Variants in USP34 observed in about 807,000 individuals in gnomAD.
USP34 encodes the protein ubiquitin specific peptidase 34, also known as ubiquitin carboxyl-terminal hydrolase 34.
Under a neutral mutation model 460.3 loss-of-function variants are expected in USP34, and 70 were observed. That is an observed-to-expected ratio of 0.15 (90% CI 0.13 to 0.19). The LOEUF (loss-of-function observed/expected upper bound fraction) is 0.19. Among genes scored for constraint, USP34 ranks in the 10% least tolerant of loss-of-function variants. The probability of loss-of-function intolerance (pLI) is 1.00; values close to 1 mark genes in which losing one functional copy is unlikely to be tolerated. For synonymous variants in USP34, 1,647 were observed against 1,405.3 expected, an observed-to-expected ratio of 1.17 and a Z score of -3.85; for missense variants, 3,985 against 4,236.2, an observed-to-expected ratio of 0.94 and a Z score of 1.65.
rs748998184 is a variant in USP34, at chr2:61,349,285, T to G, written c.1508A>C (p.Glu503Ala). ...AGCTGTTCTTCTAAGCTCTTCTTCC[T>G]CTGAAGGAAAAGGAAAAAACAGGAG... The part of the protein sequence containing the change: ...NTNIPIGNKK[E>A]EEELRRTAPS... The change falls in exon 13 of 80, where the codon GAG becomes GCG. Residue 503 changes from glutamate (E) to alanine (A), a missense_variant and splice_region_variant. Coordinates refer to ENST00000398571, the MANE Select transcript of USP34 (RefSeq NM_014709.4). 2 of 1,613,156 alleles carry G rather than the reference T, an allele frequency of 1.2e-6. No homozygotes were observed. The highest frequency in any genetic ancestry group is 1.7e-6 in the Non-Finnish European group (2 of 1,179,664).
chr2:61,358,155 G>C (rs992599030), intron 10 of USP34, among the ~76,000 whole-genome samples: 2 of 151,692 alleles, frequency 1.3e-5, no homozygotes, highest in African/African-American at 4.8e-5. Context: ...TTGCACCACG[G>C]CACTCCAGCC....
At chr2:61,305,734 T>C (rs1690382588) in intron 27 of USP34, among the ~76,000 whole-genome samples, 1 of 151,990 alleles carries the variant, frequency 6.6e-6, no homozygotes, top group South Asian at 2.1e-4. Context: ...AGACTCATAA[T>C]CAAAATGCTG....
At chr2:61,444,260 A>G (rs1191355597) in intron 1 of USP34, among the ~76,000 whole-genome samples, 2 of 152,168 alleles carry the variant, frequency 1.3e-5, no homozygotes, top group Admixed American at 1.3e-4. Context: ...AATAAAATCT[A>G]TTAAAAAGAA....
rs1171021398 is a variant in USP34 at position 61,296,882 on chromosome 2, G to A, written c.4172C>T (p.Ser1391Phe). 1.2e-6 allele frequency: 2 copies of A among 1,613,792 alleles called. No individual in the cohort carries two copies. The highest frequency in any genetic ancestry group is 2.7e-5 in the African/African-American group (2 of 74,914). The part of the protein sequence containing the change: ...EELHLHAENL[S>F]RRVWELLMLL... ...CATCAGTAGCTCCCAGACCCGCCTA[G>A]ACAGATTTTCTGCATGAAGATGAAG... The change falls in exon 30 of 80, where the codon TCT becomes TTT. Residue 1391 changes from serine to phenylalanine, a missense_variant. By Grantham distance (155) the Ser-to-Phe change is radical. Coordinates refer to ENST00000398571, the MANE Select transcript of USP34 (RefSeq NM_014709.4).
intron 74 of USP34, among the ~76,000 whole-genome samples, chr2:61,203,854 A>G (rs1362235782): frequency 6.6e-6 from 1 of 152,116 alleles, no homozygotes; most frequent in Non-Finnish European, 1.5e-5. Flanking sequence ...TGACAAATCT[A>G]TCAATCAATA....
intron 19 of USP34, 152 bp downstream of exon 19, chr2:61,333,730 G>A (rs924899617): frequency 6.7e-6 from 3 of 448,862 alleles, no homozygotes; most frequent in East Asian, 7.3e-5. Flanking sequence ...TCTCTACAGG[G>A]GTAAGTGGCA....
At chr2:61,365,664 CAG>C (rs1402751750) in intron 10 of USP34, among the ~76,000 whole-genome samples, 2 of 152,042 alleles carry the variant, frequency 1.3e-5, no homozygotes, top group African/African-American at 2.4e-5. Context: ...AAGGATTTGT[CAG>C]AGTCACATAC....
intron 13 of USP34, among the ~76,000 whole-genome samples, 162 bp from the exon 14 acceptor site, chr2:61,349,048 AG>A (rs1553374360): frequency 8.7e-6 from 1 of 115,590 alleles, no homozygotes; most frequent in Admixed American, 7.9e-5. Flanking sequence ...TGATTTCTAA[AG>A]AAGATGTAAG....
rs557384934 is a variant in USP34, at chr2:61,340,763, TCTTA to T, written c.2501-1086_2501-1083del. 2.6e-4 allele frequency among the ~76,000 whole-genome samples: 40 copies of T among 152,268 alleles called. 1 individual carries two copies. The South Asian group carries it at 4.3e-3, about 17-fold the overall frequency. On this transcript the variant is annotated intron_variant, in intron 16 of 79. Coordinates refer to ENST00000398571, the MANE Select transcript of USP34 (RefSeq NM_014709.4). The stretch of plus-strand genomic sequence containing the variant: ...ATTTGCCACTCTTTTAATTGGGTTG[TCTTA>T]CTATTGAGTTATGAAATTATTTTAT...
chr2:61,440,233 T>C (rs976457512), intron 1 of USP34, among the ~76,000 whole-genome samples: 2 of 152,128 alleles, frequency 1.3e-5, no homozygotes, highest in African/African-American at 4.8e-5. Context: ...ACCACCACTC[T>C]GCCATCCCAC....
chr2:61,424,774 A>G (rs1005113046), intron 1 of USP34, among the ~76,000 whole-genome samples: 1 of 152,100 alleles, frequency 6.6e-6, no homozygotes, highest in Non-Finnish European at 1.5e-5. Flanking sequence ...ACAATTAAAA[A>G]TTTTTGCAAT....
At chr2:61,414,137 C>G (rs1196558328) in intron 2 of USP34, among the ~76,000 whole-genome samples, 2 of 150,482 alleles carry the variant, frequency 1.3e-5, no homozygotes, top group Non-Finnish European at 3.0e-5. Context: ...CACCTGTAGT[C>G]CCAGCTACTC....
At chr2:61,254,295 T>A (rs997656810) in intron 48 of USP34, among the ~76,000 whole-genome samples, 1 of 152,244 alleles carries the variant, frequency 6.6e-6, no homozygotes, top group African/African-American at 2.4e-5. Context: ...TGTCACTTTG[T>A]CCTCTGTACT....
In USP34 at chr2:61,348,359, C is replaced by T. The variant is rs1192646302; in HGVS notation, c.1796G>A (p.Ser599Asn). 2 of 1,614,010 alleles carry T rather than the reference C, an allele frequency of 1.2e-6. No individual in the cohort carries two copies. The highest frequency in any genetic ancestry group is 1.7e-6 in the Non-Finnish European group (2 of 1,180,042). The stretch of plus-strand genomic sequence containing the variant: ...ACTGCCAGGGCTCCCAGCTGACTGG[C>T]TTGCGTGGCTAGAATTAACCTCATT... The part of the protein sequence containing the change: ...SSNEVNSSHA[S>N]QSAGSPGSEV... The change falls in exon 15 of 80, where the codon AGC (serine) becomes AAC (asparagine). Residue 599 changes from serine to asparagine, a missense_variant. Coordinates refer to ENST00000398571, the MANE Select transcript of USP34 (RefSeq NM_014709.4).
chr2:61,348,428 C>T lies in USP34; in HGVS notation c.1727G>A (p.Ser576Asn), dbSNP rs1327516539. The T allele has an allele frequency of 1.2e-6, 2 of 1,613,780 alleles. No individual in the cohort carries two copies. Among genetic ancestry groups the T allele is most frequent in the African/African-American group, 1.3e-5 (1 of 75,070 alleles). ...DETANSGEDG[S>N]SGPGSSSGHS... ...CCCACTACTGCTACCAGGACCACTG[C>T]TTCCATCTTCACCACTGTTGGCAGT... Residue 576 changes from serine to asparagine, a missense_variant, in exon 15 of 80, where the codon AGC (serine) becomes AAC (asparagine). Transcript: ENST00000398571.
At chr2:61,238,140 C>G (rs1361536935) in intron 53 of USP34, among the ~76,000 whole-genome samples, 1 of 152,086 alleles carries the variant, frequency 6.6e-6, no homozygotes, top group African/African-American at 2.4e-5. Context: ...AAGTGATCCA[C>G]CTGCCTCAGC....
chr2:61,303,002 A>G (rs1016672026), intron 27 of USP34, among the ~76,000 whole-genome samples: 2 of 152,204 alleles, frequency 1.3e-5, no homozygotes, highest in African/African-American at 4.8e-5. Context: ...TGCTATTTCA[A>G]TTTACTCAGA....
At chr2:61,416,569 G>GA (rs1048929276) in intron 2 of USP34, among the ~76,000 whole-genome samples, 2 of 151,596 alleles carry the variant, frequency 1.3e-5, no homozygotes, top group African/African-American at 4.8e-5. Context: ...CAAAGAAAAA[G>GA]AAAAAAAATC....
intron 5 of USP34, among the ~76,000 whole-genome samples, chr2:61,387,491 G>A (rs1415859398): frequency 1.3e-5 from 2 of 149,374 alleles, no homozygotes; most frequent in Non-Finnish European, 3.0e-5. Flanking sequence ...AAGTGTGTGT[G>A]TGAGTGTATA....
Sources: gnomAD v4.1 joint callset for allele counts (sites outside exome capture counted in the v4.1 genomes callset) on GRCh38, gnomAD v4.1.1 for gene constraint, MANE v1.5 for transcripts, NCBI Gene and HGNC (gene_info 2026-07-23, HGNC 2026-07-21) for gene names.